The following PANK4 variants were observed in gnomAD, a reference collection of about 807,000 sequenced individuals.
PANK4 encodes the protein 4'-phosphopantetheine phosphatase.
Under a neutral mutation model 87.9 loss-of-function variants are expected in PANK4, and 40 were observed. The ratio of observed to expected loss-of-function variants is 0.46; its 90% CI spans 0.35 to 0.59. PANK4 has a LOEUF of 0.59. Among genes scored for constraint, PANK4 ranks in the 20% least tolerant of loss-of-function variants. PANK4 has a pLI of 0.00. For missense variants in PANK4, 926 were observed against 1,072.3 expected, an observed-to-expected ratio of 0.86 and a Z score of 1.90; for synonymous variants, 524 against 467.4, an observed-to-expected ratio of 1.12 and a Z score of -1.56.
chr1:2,516,225 C>T (rs561417582), intron 9 of PANK4, among the ~76,000 whole-genome samples: 5 of 152,314 alleles, frequency 3.3e-5, no homozygotes, highest in African/African-American at 7.2e-5. Flanking sequence ...TGTTCCACTC[C>T]GTGCCGGGCA....
chr1:2,521,555 G>C (rs1643875420), intron 2 of PANK4, 163 bp downstream of exon 2: 7 of 749,378 alleles, frequency 9.3e-6, no homozygotes, highest in Non-Finnish European at 1.7e-5. Context: ...AAAGGGTCTT[G>C]AAGGGACACG....
intron 7 of PANK4, among the ~76,000 whole-genome samples, chr1:2,518,900 G>A (rs1428261779): frequency 6.6e-6 from 1 of 152,248 alleles, no homozygotes; most frequent in East Asian, 1.9e-4. Context: ...CCCCAGCGCA[G>A]ATCAGCAGGC....
Position 2,510,605 on chromosome 1 carries a change from C to A in PANK4, c.1938+73G>T. On this transcript the variant is annotated intron_variant, in intron 16 of 18. Coordinates refer to ENST00000378466, the MANE Select transcript of PANK4 (RefSeq NM_018216.4). The surrounding 1 kb of genome is among the most constrained non-coding windows in gnomAD (Gnocchi z 4.9). ...AGGAGCCCCGACCACCGCCAGAGGC[C>A]CACAGCGGCGCCAACCCCACCGAGA... 1 of 895,192 alleles carries A rather than the reference C, an allele frequency of 1.1e-6. No individual in the cohort carries two copies. 55.5% of individuals were successfully genotyped at this position (895,192 alleles called of 1,614,324 possible). A position where few individuals can be genotyped will look rare whatever the true frequency, so the allele number is the denominator to read the frequency against.
At chr1:2,516,331 A>G (rs962514741) in intron 9 of PANK4, among the ~76,000 whole-genome samples, 17 of 152,216 alleles carry the variant, frequency 1.1e-4, no homozygotes, top group Middle Eastern at 3.4e-3. Flanking sequence ...GGGCCAGGCC[A>G]TTATGCACCC....
chr1:2,524,114 C>A (rs954453381), intron 1 of PANK4, among the ~76,000 whole-genome samples: 1 of 152,210 alleles, frequency 6.6e-6, no homozygotes, highest in African/African-American at 2.4e-5. Flanking sequence ...CTCTGAGGAA[C>A]CCTCCCCACA....
At position 2,511,614 on chromosome 1, in the gene PANK4, T is replaced by C. The variant is rs1643663350; in HGVS notation, c.1783+14A>G. 6.3e-7 allele frequency: 1 copy of C among 1,589,170 alleles called. No individual in the cohort carries two copies. The highest frequency in any genetic ancestry group is 8.6e-7 in the Non-Finnish European group (1 of 1,157,752). On this transcript the variant is annotated intron_variant, in intron 14 of 18. Coordinates refer to ENST00000378466, the MANE Select transcript of PANK4 (RefSeq NM_018216.4). The stretch of plus-strand genomic sequence containing the variant: ...AGCACAAGGCAAGGCCCCAAGTTAC[T>C]TGGCCATCCGTACCTTGTAACTTCC...
rs80064026 is a variant in PANK4 at position 2,509,753 on chromosome 1, C to T, written c.2108+109G>A. Reference sequence around the variant, plus strand: ...ATCCGGGCCTGGGGTCAGGAGAGGCCGCAGGGGCAGTCCTGAGGTCGGTGT... The same window carrying T: ...ATCCGGGCCTGGGGTCAGGAGAGGCTGCAGGGGCAGTCCTGAGGTCGGTGT... On this transcript the variant is annotated intron_variant, in intron 18 of 18. Transcript: ENST00000378466. The surrounding 1 kb of genome is among the most constrained non-coding windows in gnomAD (Gnocchi z 4.9). 6.7e-3 allele frequency: 6,374 copies of T among 948,502 alleles called. 34 individuals carry two copies. Among genetic ancestry groups the T allele is most frequent in the Non-Finnish European group, 7.6e-3 (4,561 of 598,428 alleles). The allele number at this position is 948,502 out of a possible 1,614,324, so 58.8% of individuals were successfully genotyped here. A position where few individuals can be genotyped will look rare whatever the true frequency, so the allele number is the denominator to read the frequency against.
intron 1 of PANK4, among the ~76,000 whole-genome samples, chr1:2,525,385 A>T (rs1469185271): frequency 6.6e-6 from 1 of 152,054 alleles, no homozygotes; most frequent in Admixed American, 6.5e-5. Flanking sequence ...TGTGGGATTC[A>T]CACACAAGCA....
chr1:2,518,457 C>T lies in PANK4; in HGVS notation c.1117+59G>A, dbSNP rs887545461. The T allele has an allele frequency of 2.8e-6, 4 of 1,431,636 alleles. No individual in the cohort carries two copies. The Admixed American group carries it at 5.9e-5, about 21-fold the overall frequency. 88.7% of individuals were successfully genotyped at this position (1,431,636 alleles called of 1,614,324 possible). A position where few individuals can be genotyped will look rare whatever the true frequency, so the allele number is the denominator to read the frequency against. On this transcript the variant is annotated intron_variant, in intron 8 of 18. Coordinates refer to ENST00000378466, the MANE Select transcript of PANK4 (RefSeq NM_018216.4). ...CCCTGGGCCGCCCTGGCCTGGAGCA[C>T]AGGCCCAGGCCACAGCTGAGGCCCC...
At position 2,512,997 on chromosome 1, in the gene PANK4, C is replaced by T. The variant is rs1365072708; in HGVS notation, c.1618G>A (p.Gly540Arg). 6.2e-6 allele frequency: 10 copies of T among 1,610,912 alleles called. No homozygotes were observed. Among genetic ancestry groups the T allele is most frequent in the East Asian group, 2.2e-5 (1 of 44,808 alleles). The stretch of plus-strand genomic sequence containing the variant: ...AGCGCGTCCAGGGAGCGCACGACCC[C>T]GGGGAAGCACCTCAGCGCCACGCCA... ...ENGVALRCFP[G>R]VVRSLDALGW... The change falls in exon 13 of 19, where the codon GGG (glycine) becomes AGG (arginine). Residue 540 changes from glycine to arginine, a missense_variant. By Grantham distance (125) the Gly-to-Arg change is moderately radical (BLOSUM62 -2). Coordinates refer to ENST00000378466, the MANE Select transcript of PANK4 (RefSeq NM_018216.4).
chr1:2,515,508 A>C lies in PANK4; in HGVS notation c.1374+54T>G. The C allele has an allele frequency of 1.9e-6, 3 of 1,584,326 alleles. No individual in the cohort carries two copies. Among genetic ancestry groups the C allele is most frequent in the South Asian group, 1.1e-5 (1 of 90,516 alleles). On this transcript the variant is annotated intron_variant, in intron 10 of 18. Transcript: ENST00000378466. The surrounding 1 kb of genome is among the most constrained non-coding windows in gnomAD (Gnocchi z 5.0). ...TTGGCTTTGCCCCCGGAGCCTTGGA[A>C]GGTTAACCCGGCTGCGGCCTTGGAA...
Position 2,520,695 on chromosome 1 carries a change from C to T in PANK4, c.606+28G>A. 2.5e-6 allele frequency: 4 copies of T among 1,597,182 alleles called. No individual in the cohort carries two copies. Among genetic ancestry groups the T allele is most frequent in the Non-Finnish European group, 3.4e-6 (4 of 1,167,214 alleles). On this transcript the variant is annotated intron_variant, in intron 4 of 18. Transcript: ENST00000378466. This position sits in a 1 kb window ranked among gnomAD's most constrained non-coding sequence, Gnocchi z 6.2. ...TAACAAACTATGGCTAAACCATCCA[C>T]TCATTCATTCATGAAGCCGGGTCTT... is the stretch of plus-strand genomic sequence containing the variant.
At position 2,520,515 on chromosome 1, in the gene PANK4, C is replaced by A. The variant is rs1218362326; in HGVS notation, c.607-101G>T. ...GCTGCGCTGGGGTGAACCCCGCCCC[C>A]ACCCCAACCGCCAGTGGGAGGACTC... On this transcript the variant is annotated intron_variant, in intron 4 of 18. Coordinates refer to ENST00000378466, the MANE Select transcript of PANK4 (RefSeq NM_018216.4). The surrounding 1 kb of genome is among the most constrained non-coding windows in gnomAD (Gnocchi z 6.2). 4.4e-5 allele frequency: 49 copies of A among 1,102,312 alleles called. 1 individual carries two copies. The highest frequency in any genetic ancestry group is 1.9e-4 in the Admixed American group (9 of 48,246). 68.3% of individuals were successfully genotyped at this position (1,102,312 alleles called of 1,614,324 possible).
chr1:2,520,827 C>G lies in PANK4; in HGVS notation c.502G>C (p.Val168Leu), dbSNP rs181980825. The G allele has an allele frequency of 3.1e-6, 5 of 1,606,548 alleles. No individual in the cohort carries two copies. The East Asian group carries it at 1.1e-4, about 36-fold the overall frequency. The change falls in exon 4 of 19, where the codon GTG becomes CTG. Residue 168 changes from valine to leucine, a missense_variant. Physicochemically the swap from Val to Leu is conservative, Grantham distance 32. Coordinates refer to ENST00000378466, the MANE Select transcript of PANK4 (RefSeq NM_018216.4). This position sits in a 1 kb window ranked among gnomAD's most constrained non-coding sequence, Gnocchi z 6.2. ...TCAGGGTCGGAATCCTTCTGGTACA[C>G]GAAGGCCTCATGGGGGATGTTCTTG... is the stretch of plus-strand genomic sequence containing the variant. ...VLKNIPHEAF[V>L]YQKDSDPEFR...
chr1:2,518,080 A>G (rs1212297326), intron 9 of PANK4, 84 bp downstream of exon 9: 5 of 782,220 alleles, frequency 6.4e-6, no homozygotes, highest in South Asian at 1.9e-5. Context: ...GACAGCCACA[A>G]GAGGCTTCGC....
At position 2,521,750 on chromosome 1, in the gene PANK4, C is replaced by T. The variant is rs903032523; in HGVS notation, c.175G>A (p.Ala59Thr). ...GAGTGGTCGAAAGACCGCACCTTGGCGACTTTGTGCTGTACCGTTGAATAG... is the reference window on the plus strand; with the variant it reads ...GAGTGGTCGAAAGACCGCACCTTGGTGACTTTGTGCTGTACCGTTGAATAG... ...AYYSTVQHKV[A>T]KVRSFDHSGK... Residue 59 changes from alanine to threonine, a missense_variant, in exon 2 of 19, where the codon GCC becomes ACC. Physicochemically the swap from Ala to Thr is moderately conservative, Grantham distance 58. Coordinates refer to ENST00000378466, the MANE Select transcript of PANK4 (RefSeq NM_018216.4). The T allele has an allele frequency of 6.8e-6, 11 of 1,613,900 alleles. No individual in the cohort carries two copies. Among genetic ancestry groups the T allele is most frequent in the African/African-American group, 2.7e-5 (2 of 74,928 alleles).
rs1410429275 is a variant in PANK4, at chr1:2,508,904, C to T, written c.2265G>A (p.Glu755=). ...LAVIKNAWLA[E]RLGGRLFSVI... ...CGCTGAAGAGCCGGCCGCCCAGCCG[C>T]TCGGCCAGCCACGCGTTCTTGATGA... is the stretch of plus-strand genomic sequence containing the variant. The change falls in exon 19 of 19, where the codon GAG becomes GAA. Residue 755 remains glutamate (E), a synonymous_variant. Transcript: ENST00000378466. This position sits in a 1 kb window ranked among gnomAD's most constrained non-coding sequence, Gnocchi z 5.1. 4.3e-6 allele frequency: 7 copies of T among 1,609,662 alleles called. No homozygotes were observed. The highest frequency in any genetic ancestry group is 5.9e-6 in the Non-Finnish European group (7 of 1,178,582).
At position 2,513,052 on chromosome 1, in the gene PANK4, C is replaced by A; in HGVS notation, c.1576-13G>T. 6.3e-7 allele frequency: 1 copy of A among 1,582,326 alleles called. No individual in the cohort carries two copies. The highest frequency in any genetic ancestry group is 8.6e-7 in the Non-Finnish European group (1 of 1,160,008). ...CCCGCTGCTTCACCTGTGGAGAGTG[C>A]CAGATGCCAGGCCTGAGTGAAGACG... On this transcript the variant is annotated splice_polypyrimidine_tract_variant and intron_variant, in intron 12 of 18. Coordinates refer to ENST00000378466, the MANE Select transcript of PANK4 (RefSeq NM_018216.4).
chr1:2,514,139 G>C (rs145299831), intron 11 of PANK4, 50 bp from the exon 12 acceptor site: 9 of 1,451,798 alleles, frequency 6.2e-6, no homozygotes, highest in Non-Finnish European at 6.8e-6. Flanking sequence ...CCGAACACCC[G>C]CCCGTCTGCC....
Sources: allele counts gnomAD v4.1 joint callset (sites outside exome capture counted in the v4.1 genomes callset), GRCh38; gene constraint gnomAD v4.1.1; non-coding constraint Gnocchi (gnomAD v3.1); transcripts MANE v1.5; gene names NCBI Gene and HGNC (gene_info 2026-07-23, HGNC 2026-07-21).